POMZP3: variants seen among roughly 807,000 people sequenced by gnomAD.
The protein encoded by POMZP3 is POM121 and ZP3 fusion protein.
In POMZP3, 10 loss-of-function variants were observed where a neutral mutation model predicts 19.8. The ratio of observed to expected loss-of-function variants is 0.51; its 90% confidence interval spans 0.31 to 0.86. The LOEUF (loss-of-function observed/expected upper bound fraction) is 0.86, where lower values mean the gene tolerates loss of function less well. POMZP3 is among the 40% of genes least tolerant of loss of function. The pLI is 0.04. For synonymous variants in POMZP3, 57 were observed against 85.8 expected (o/e 0.66, Z 1.85); for missense variants, 152 against 228.1 (o/e 0.67, Z 2.15).
At chr7:76,621,662 C>T (rs550597689) in intron 3 of POMZP3, among the ~76,000 whole-genome samples, 79 of 151,658 alleles carry the variant, frequency 5.2e-4, no homozygotes, top group Admixed American at 1.4e-3. Context: ...CAGTGATGGC[C>T]GGGCGCGGTG....
chr7:76,623,040 C>T (rs1638110), intron 3 of POMZP3, among the ~76,000 whole-genome samples: 33 of 151,544 alleles, frequency 2.2e-4, no homozygotes, highest in Middle Eastern at 3.4e-3. Flanking sequence ...GGCTAATTTT[C>T]ATATTTTGTT....
chr7:76,620,746 G>T (rs1321853646), intron 3 of POMZP3, among the ~76,000 whole-genome samples: 1 of 151,928 alleles, frequency 6.6e-6, no homozygotes, highest in Non-Finnish European at 1.5e-5. Flanking sequence ...GGGATTACAG[G>T]CGTGAGTCAC....
At chr7:76,624,783 C>G (rs1441905175) in intron 3 of POMZP3, among the ~76,000 whole-genome samples, 1 of 151,566 alleles carries the variant, frequency 6.6e-6, no homozygotes, top group Non-Finnish European at 1.5e-5. Flanking sequence ...ATAAAACTAC[C>G]AAACTCTAGT....
chr7:76,618,437 C>A, intron 3 of POMZP3, 137 bp from the exon 4 acceptor site: 1 of 934,680 alleles, frequency 1.1e-6, no homozygotes, highest in Non-Finnish European at 1.7e-6. Flanking sequence ...GCCTGGCAAA[C>A]ATGGTGAAAC....
At chr7:76,610,459 C>G (rs1815038468) in intron 6 of POMZP3, among the ~76,000 whole-genome samples, 1 of 151,900 alleles carries the variant, frequency 6.6e-6, no homozygotes, top group Non-Finnish European at 1.5e-5. Context: ...TTGAGACCAG[C>G]CTGGCCAACA....
chr7:76,617,397 T>C (rs1815323693), intron 4 of POMZP3, among the ~76,000 whole-genome samples: 1 of 93,992 alleles, frequency 1.1e-5, no homozygotes, highest in African/African-American at 4.9e-5. Flanking sequence ...TCCTTCCTTC[T>C]CCTTCCCTCT....
At position 76,616,499 on chromosome 7, in the gene POMZP3, A is replaced by C. The variant is rs571364116; in HGVS notation, c.345+1684T>G. On this transcript the variant is annotated intron_variant, in intron 4 of 6. Coordinates refer to ENST00000310842, the MANE Select transcript of POMZP3 (RefSeq NM_012230.5). Reference sequence around the variant, plus strand: ...AGCCAGCACTGGAAACCCCTACTTTAATCACTTCCTAACCACCTATTCTAA... The same window carrying C: ...AGCCAGCACTGGAAACCCCTACTTTCATCACTTCCTAACCACCTATTCTAA... 2.5e-4 allele frequency among the ~76,000 whole-genome samples: 25 copies of C among 100,682 alleles called. 4 individuals are homozygous for C. Among genetic ancestry groups the C allele is most frequent in the Non-Finnish European group, 4.4e-4 (20 of 45,438 alleles). The allele number at this position is 100,682 out of a possible 152,430, so 66.1% of individuals were successfully genotyped here.
intron 4 of POMZP3, among the ~76,000 whole-genome samples, chr7:76,613,591 C>T (rs539992665): frequency 1.3e-5 from 1 of 78,864 alleles, no homozygotes; most frequent in Non-Finnish European, 2.5e-5. Flanking sequence ...GAGGTTTAAG[C>T]GATTCTCTTG....
At position 76,611,706 on chromosome 7, in the gene POMZP3, G is replaced by A; in HGVS notation, c.437+16C>T. 1 of 1,456,772 alleles carries A rather than the reference G, an allele frequency of 6.9e-7. No individual in the cohort carries two copies. The highest frequency in any genetic ancestry group is 9.4e-7 in the Non-Finnish European group (1 of 1,058,498). 90.2% of individuals were successfully genotyped at this position (1,456,772 alleles called of 1,614,324 possible). A position where few individuals can be genotyped will look rare whatever the true frequency, so the allele number is the denominator to read the frequency against. On this transcript the variant is annotated intron_variant, in intron 5 of 6. Coordinates refer to ENST00000310842, the MANE Select transcript of POMZP3 (RefSeq NM_012230.5). ...CGATTCAGTTTCTACTCCAGTCACG[G>A]AGCACCTGTCCTCACCTGTTGGAAG... is the stretch of plus-strand genomic sequence containing the variant.
intron 3 of POMZP3, among the ~76,000 whole-genome samples, chr7:76,620,671 T>C (rs1815503914): frequency 6.6e-6 from 1 of 151,976 alleles, no homozygotes; most frequent in African/African-American, 2.4e-5. Flanking sequence ...TTACGCCATG[T>C]TGGCCAGGCT....
At position 76,612,922 on chromosome 7, in the gene POMZP3, G is replaced by GT. The variant is rs1370049293; in HGVS notation, c.346-1110dup. Among the ~76,000 whole-genome samples the GT allele has an allele frequency of 2.5e-3, 171 of 68,316 alleles. 28 individuals carry two copies. Among genetic ancestry groups the GT allele is most frequent in the East Asian group, 0.023 (58 of 2,550 alleles). The allele number at this position is 68,316 out of a possible 152,430, so 44.8% of individuals were successfully genotyped here. A position where few individuals can be genotyped will look rare whatever the true frequency, so the allele number is the denominator to read the frequency against. On this transcript the variant is annotated intron_variant, in intron 4 of 6. Transcript: ENST00000310842. ...TTCAGACTTAAGAGGTTTTTTTTTT[G>GT]TTTTTTTTTTTTGAGGTGGAGTCTT...
chr7:76,623,875 TAA>T (rs1815710003), intron 3 of POMZP3, among the ~76,000 whole-genome samples: 1 of 151,114 alleles, frequency 6.6e-6, no homozygotes, highest in South Asian at 2.1e-4. Flanking sequence ...TTTTTTGAGA[TAA>T]GTTTTTTGTT....
chr7:76,626,305 T>C, intron 1 of POMZP3, 90 bp from the exon 2 acceptor site: 1 of 1,262,902 alleles, frequency 7.9e-7, no homozygotes, highest in Non-Finnish European at 1.1e-6. Flanking sequence ...TAAGACATTT[T>C]CCAAAGAACT....
intron 2 of POMZP3, 152 bp downstream of exon 2, chr7:76,625,848 A>G: frequency 2.2e-6 from 3 of 1,357,500 alleles, no homozygotes; most frequent in Non-Finnish European, 3.0e-6. Context: ...AAAGTGAAAA[A>G]CAAACGGTTT....
At chr7:76,625,732 C>G in intron 2 of POMZP3, 49 bp from the exon 3 acceptor site, 1 of 1,592,830 alleles carries the variant, frequency 6.3e-7, no homozygotes, top group Non-Finnish European at 8.5e-7. Context: ...AATTCCCATG[C>G]CATATCAGAA....
intron 3 of POMZP3, chr7:76,621,244 A>G (rs1012350160): frequency 1.3e-5 from 2 of 151,184 alleles, no homozygotes; most frequent in Non-Finnish European, 2.9e-5. Context: ...ATGGAGGCCA[A>G]TTAGCGGACG....
At chr7:76,623,802 C>T (rs932012045) in intron 3 of POMZP3, among the ~76,000 whole-genome samples, 2 of 147,716 alleles carry the variant, frequency 1.4e-5, no homozygotes, top group African/African-American at 5.0e-5. Context: ...AATCCGCCTC[C>T]AAAAAAAAAG....
At chr7:76,621,796 C>T (rs1219941921) in intron 3 of POMZP3, among the ~76,000 whole-genome samples, 10 of 151,472 alleles carry the variant, frequency 6.6e-5, no homozygotes, top group East Asian at 2.0e-4. Flanking sequence ...AAAAAGTAGC[C>T]GGATATGGTG....
chr7:76,618,906 G>A (rs1209852891), intron 3 of POMZP3, among the ~76,000 whole-genome samples: 1 of 151,960 alleles, frequency 6.6e-6, no homozygotes, highest in East Asian at 1.9e-4. Context: ...TCCTGCCTCA[G>A]CCTCCTGAGT....
Sources: gnomAD v4.1 joint callset for allele counts (sites outside exome capture counted in the v4.1 genomes callset) on GRCh38, gnomAD v4.1.1 for gene constraint, MANE v1.5 for transcripts, NCBI Gene and HGNC (gene_info 2026-07-23, HGNC 2026-07-21) for gene names.